The following EPN1 variants were observed in gnomAD, a reference collection of about 807,000 sequenced individuals.
The protein encoded by EPN1 is epsin 1.
EPN1 carries 25 observed loss-of-function variants against 56.9 expected under a neutral mutation model. The observed-to-expected ratio is 0.44, with a 90% CI of 0.32 to 0.61. The LOEUF is 0.61. Ranked by LOEUF, EPN1 falls within the 20% of genes least tolerant of loss-of-function variation. The pLI is 0.05. For missense variants in EPN1, 785 were observed against 823.7 expected (o/e 0.95, Z 0.58); for synonymous variants, 411 against 361.8 (o/e 1.14, Z -1.54).
At position 55,706,348 on chromosome 19, in the gene EPN1, C is replaced by A. The variant is rs1347051526; in HGVS notation, c.*10992C>A. On this transcript the variant is annotated 3_prime_UTR_variant, in exon 11 of 11. Coordinates refer to ENST00000270460, the MANE Select transcript of EPN1 (RefSeq NM_001130072.2). ...ACCCAGGCTGGAATGCAGTGGCGTA[C>A]TGTTTTAGAAAAGTGAAAGAGGGCC... 1.4e-5 allele frequency: 2 copies of A among 146,578 alleles called. No individual in the cohort carries two copies. Among genetic ancestry groups the A allele is most frequent in the Non-Finnish European group, 2.9e-5 (2 of 69,552 alleles). 9.1% of individuals were successfully genotyped at this position (146,578 alleles called of 1,614,324 possible).
intron 3 of EPN1, among the ~76,000 whole-genome samples, chr19:55,687,894 A>C (rs1364847705): frequency 6.6e-6 from 1 of 152,126 alleles, no homozygotes; most frequent in Non-Finnish European, 1.5e-5. Flanking sequence ...GGGCCGCCAG[A>C]CAGCTGCCTG....
Position 55,688,962 on chromosome 19 carries a change from G to T in EPN1, c.571G>T (p.Ala191Ser), listed in dbSNP as rs1568573400. ...GGAGGAGGAGCTGCAGCTCCAGCTG[G>T]CCCTGGCCATGAGCAAGGAGGAGGC... is the stretch of plus-strand genomic sequence containing the variant. ...SGEEELQLQL[A>S]LAMSKEEADQ... is the part of the protein sequence containing the mutation. Residue 191 changes from alanine (A) to serine (S), a missense_variant, in exon 4 of 11, where the codon GCC becomes TCC. Coordinates refer to ENST00000270460, the MANE Select transcript of EPN1 (RefSeq NM_001130072.2). 6.2e-7 allele frequency: 1 copy of T among 1,602,172 alleles called. No individual in the cohort carries two copies. Among genetic ancestry groups the T allele is most frequent in the Non-Finnish European group, 8.5e-7 (1 of 1,176,966 alleles).
At position 55,689,420 on chromosome 19, in the gene EPN1, C is replaced by T. The variant is rs1986389606; in HGVS notation, c.678+49C>T. 1 of 1,426,354 alleles carries T rather than the reference C, an allele frequency of 7.0e-7. No homozygotes were observed. The highest frequency in any genetic ancestry group is 1.4e-5 in the African/African-American group (1 of 70,826). The allele number at this position is 1,426,354 out of a possible 1,614,324, so 88.4% of individuals were successfully genotyped here. ...GCCCCTGCCAGGGGCTCCCCTCAGA[C>T]CAGCCCCGTCGCCCCTTCCTAAGTC... is the stretch of plus-strand genomic sequence containing the variant. On this transcript the variant is annotated intron_variant, in intron 5 of 10. Transcript: ENST00000270460. This position sits in a 1 kb window ranked among gnomAD's most constrained non-coding sequence, Gnocchi z 5.7.
In EPN1 at chr19:55,698,986, C is replaced by T. The variant is rs28449839; in HGVS notation, c.*3630C>T. The T allele has an allele frequency of 0.094, 14,361 of 152,228 alleles. 821 individuals are homozygous for T. The highest frequency in any genetic ancestry group is 0.17 in the East Asian group (870 of 5,174). The allele number at this position is 152,228 out of a possible 1,614,324, so 9.4% of individuals were successfully genotyped here. On this transcript the variant is annotated 3_prime_UTR_variant, in exon 11 of 11. Transcript: ENST00000270460. The stretch of plus-strand genomic sequence containing the variant: ...GTCTCGATCTCCTGACCTCGTGATC[C>T]GCCTGCCTCGGCCTCCCAAAGTGCT...
rs994727542 is a variant in EPN1 at position 55,700,953 on chromosome 19, C to G, written c.*5597C>G. The G allele has an allele frequency of 2.0e-5, 3 of 152,250 alleles. No homozygotes were observed. The highest frequency in any genetic ancestry group is 4.4e-5 in the Non-Finnish European group (3 of 68,080). The allele number at this position is 152,250 out of a possible 1,614,324, so 9.4% of individuals were successfully genotyped here. On this transcript the variant is annotated 3_prime_UTR_variant, in exon 11 of 11. Coordinates refer to ENST00000270460, the MANE Select transcript of EPN1 (RefSeq NM_001130072.2). ...TACATCCATCCGCAGGGGAGGCAAG[C>G]TTAGGGCATCACGTCCAGGAGTGGC...
chr19:55,708,944 C>T lies in EPN1; in HGVS notation c.*13588C>T, dbSNP rs367892780. 1.6e-5 allele frequency: 25 copies of T among 1,570,806 alleles called. No homozygotes were observed. Among genetic ancestry groups the T allele is most frequent in the South Asian group, 8.4e-5 (7 of 83,014 alleles). Reference sequence around the variant, plus strand: ...AGCACACCCCTGATCTTGTATTCCTCGTCAATCCAAGGTCCATGTGAAATG... The same window carrying T: ...AGCACACCCCTGATCTTGTATTCCTTGTCAATCCAAGGTCCATGTGAAATG... On this transcript the variant is annotated 3_prime_UTR_variant, in exon 11 of 11. Coordinates refer to ENST00000270460, the MANE Select transcript of EPN1 (RefSeq NM_001130072.2).
chr19:55,683,574 A>T (rs889699290), intron 2 of EPN1, among the ~76,000 whole-genome samples: 2 of 152,058 alleles, frequency 1.3e-5, no homozygotes, highest in African/African-American at 4.8e-5. Flanking sequence ...GCTGGTCTCG[A>T]ACCCCTGACC....
rs1987580567 is a variant in EPN1, at chr19:55,709,060, TAAAG to T, written c.*13705_*13708del. 1 of 1,549,678 alleles carries T rather than the reference TAAAG, an allele frequency of 6.5e-7. No homozygotes were observed. Among genetic ancestry groups the T allele is most frequent in the Non-Finnish European group, 8.6e-7 (1 of 1,157,548 alleles). The stretch of plus-strand genomic sequence containing the variant: ...TTTGTGCAGCCTGGGAAAATAGAAA[TAAAG>T]TTTTTTTTTTTGTTTTTCATTTTTA... On this transcript the variant is annotated 3_prime_UTR_variant, in exon 11 of 11. Transcript: ENST00000270460.
Position 55,705,755 on chromosome 19 carries a change from C to CA in EPN1, c.*10400dup, listed in dbSNP as rs1368498293. 1.3e-5 allele frequency: 2 copies of CA among 148,842 alleles called. No individual in the cohort carries two copies. The highest frequency in any genetic ancestry group is 5.0e-5 in the African/African-American group (2 of 39,894). 9.2% of individuals were successfully genotyped at this position (148,842 alleles called of 1,614,324 possible). On this transcript the variant is annotated 3_prime_UTR_variant, in exon 11 of 11. Coordinates refer to ENST00000270460, the MANE Select transcript of EPN1 (RefSeq NM_001130072.2). The stretch of plus-strand genomic sequence containing the variant: ...GAAAATGACATGTCAATCATAAGGT[C>CA]AGGTTCTTCAACAGTCATACTGACA...
rs1324277673 is a variant in EPN1 at position 55,706,299 on chromosome 19, T to TTTTTTTTTTTA, written c.*10943_*10944insTTTTTTTTTTA. On this transcript the variant is annotated 3_prime_UTR_variant, in exon 11 of 11. Transcript: ENST00000270460. ...TTTCTTCTTCTTTTTTTTTTTTTTT[T>TTTTTTTTTTTA]AAAAGACCGTGTTTCGCTCTGTCAC... 6.5e-6 allele frequency: 1 copy of TTTTTTTTTTTA among 154,808 alleles called. No individual in the cohort carries two copies. Among genetic ancestry groups the TTTTTTTTTTTA allele is most frequent in the African/African-American group, 2.5e-5 (1 of 39,260 alleles). The allele number at this position is 154,808 out of a possible 1,614,324, so 9.6% of individuals were successfully genotyped here.
rs745567288 is a variant in EPN1, at chr19:55,692,977, G to A, written c.1204G>A (p.Asp402Asn). ...TAAGGFDTEP[D>N]EFSDFDRLRT... ...AGCCGGGGGATTCGACACGGAGCCCGACGAGTTCTCTGACTTTGACCGACT... is the reference window on the plus strand; with the variant it reads ...AGCCGGGGGATTCGACACGGAGCCCAACGAGTTCTCTGACTTTGACCGACT... The change falls in exon 9 of 11, where the codon GAC becomes AAC. Residue 402 changes from aspartate (D) to asparagine (N), a missense_variant. Physicochemically the swap from Asp to Asn is conservative, Grantham distance 23. This residue lies in a region of EPN1 where 650 missense variants were observed against 605.0 expected (regional missense o/e 1.07). Transcript: ENST00000270460. 31 of 1,613,356 alleles carry A rather than the reference G, an allele frequency of 1.9e-5. No individual in the cohort carries two copies. The highest frequency in any genetic ancestry group is 4.0e-5 in the African/African-American group (3 of 74,922).
At chr19:55,684,268 ACT>A (rs1348165389) in intron 2 of EPN1, among the ~76,000 whole-genome samples, 1 of 151,806 alleles carries the variant, frequency 6.6e-6, no homozygotes, top group African/African-American at 2.4e-5. Context: ...GTGATAGCTG[ACT>A]CTTCCCCTAG....
chr19:55,702,405 C>G lies in EPN1; in HGVS notation c.*7049C>G, dbSNP rs778336493. 2 of 152,310 alleles carry G rather than the reference C, an allele frequency of 1.3e-5. No homozygotes were observed. Among genetic ancestry groups the G allele is most frequent in the East Asian group, 1.9e-4 (1 of 5,196 alleles). The allele number at this position is 152,310 out of a possible 1,614,324, so 9.4% of individuals were successfully genotyped here. A position where few individuals can be genotyped will look rare whatever the true frequency, so the allele number is the denominator to read the frequency against. On this transcript the variant is annotated 3_prime_UTR_variant, in exon 11 of 11. Transcript: ENST00000270460. ...TGCAGCTGCAGGCATCTCCCCCACG[C>G]GCTTCCAGCTTCCCTTAGTGTGCCT...
chr19:55,701,959 C>CTTTTTTTTTTTTTTTT lies in EPN1; in HGVS notation c.*6608_*6623dup, dbSNP rs1160028473. ...AGTCTCTAGCAGCCCCCACCCCATT[C>CTTTTTTTTTTTTTTTT]TTTTTTTTTTTTTTTTTTTTGAGAT... On this transcript the variant is annotated 3_prime_UTR_variant, in exon 11 of 11. Transcript: ENST00000270460. 3 of 110,798 alleles carry CTTTTTTTTTTTTTTTT rather than the reference C, an allele frequency of 2.7e-5. No homozygotes were observed. The highest frequency in any genetic ancestry group is 1.2e-4 in the African/African-American group (3 of 24,996). 6.9% of individuals were successfully genotyped at this position (110,798 alleles called of 1,614,324 possible). A position where few individuals can be genotyped will look rare whatever the true frequency, so the allele number is the denominator to read the frequency against.
In EPN1 at chr19:55,695,534, G is replaced by C; in HGVS notation, c.*178G>C. The C allele has an allele frequency of 1.7e-6, 1 of 588,422 alleles. No individual in the cohort carries two copies. The highest frequency in any genetic ancestry group is 3.0e-6 in the Non-Finnish European group (1 of 331,142). 36.5% of individuals were successfully genotyped at this position (588,422 alleles called of 1,614,324 possible). On this transcript the variant is annotated 3_prime_UTR_variant, in exon 11 of 11. Transcript: ENST00000270460. This position sits in a 1 kb window ranked among gnomAD's most constrained non-coding sequence, Gnocchi z 4.4. ...ACCCCACCTCCCCGGAGAGAAACTG[G>C]ACATGGGGCCTGGGGAGGGGAGCTG...
At position 55,689,390 on chromosome 19, in the gene EPN1, TCCCTGC is replaced by T; in HGVS notation, c.678+27_678+32del. The T allele has an allele frequency of 6.5e-7, 1 of 1,544,760 alleles. No homozygotes were observed. ...TGATAAGGTCAGAGCAGCCTCCCTG[TCCCTGC>T]CCCTGCCAGGGGCTCCCCTCAGACC... is the stretch of plus-strand genomic sequence containing the variant. On this transcript the variant is annotated intron_variant, in intron 5 of 10. Transcript: ENST00000270460. This position sits in a 1 kb window ranked among gnomAD's most constrained non-coding sequence, Gnocchi z 5.7.
chr19:55,707,648 T>TG lies in EPN1; in HGVS notation c.*12296dup, dbSNP rs930570108. ...TAAAAACCATCTTTCCTTTGCAGAC[T>TG]GGGGTGGGGACTCTGGCCAATGCCA... On this transcript the variant is annotated 3_prime_UTR_variant, in exon 11 of 11. Transcript: ENST00000270460. 5 of 154,682 alleles carry TG rather than the reference T, an allele frequency of 3.2e-5. No individual in the cohort carries two copies. Among genetic ancestry groups the TG allele is most frequent in the Non-Finnish European group, 5.9e-5 (4 of 68,244 alleles). The allele number at this position is 154,682 out of a possible 1,614,324, so 9.6% of individuals were successfully genotyped here.
intron 3 of EPN1, among the ~76,000 whole-genome samples, chr19:55,686,424 G>A (rs1044441906): frequency 2.0e-5 from 3 of 152,276 alleles, no homozygotes; most frequent in South Asian, 2.1e-4. Context: ...GTGGGGATAC[G>A]TGGGATGGGG....
intron 7 of EPN1, 99 bp from the exon 8 acceptor site, chr19:55,692,586 GC>G (rs1986633378): frequency 1.3e-6 from 1 of 755,660 alleles, no homozygotes; most frequent in Non-Finnish European, 2.1e-6. Context: ...GGGCAGGGGG[GC>G]TTTTGTGTGA....
Sources: gnomAD v4.1 joint callset for allele counts (sites outside exome capture counted in the v4.1 genomes callset) on GRCh38, gnomAD v4.1.1 for gene constraint, gnomAD v4.1.1 regional missense constraint, Gnocchi (gnomAD v3.1) non-coding constraint, MANE v1.5 for transcripts, NCBI Gene and HGNC (gene_info 2026-07-23, HGNC 2026-07-21) for gene names.